The following CAPN15 variants were observed in gnomAD, a reference collection of about 807,000 sequenced individuals.
The protein encoded by CAPN15 is calpain 15, also known as calpain-15.
Under a neutral mutation model 97.9 loss-of-function variants are expected in CAPN15, and 53 were observed. The ratio of observed to expected loss-of-function variants is 0.54; its 90% CI spans 0.43 to 0.68. The LOEUF (loss-of-function observed/expected upper bound fraction) is 0.68, where lower values mean the gene tolerates loss of function less well. Among genes scored for constraint, CAPN15 ranks in the 30% least tolerant of loss-of-function variants. The pLI is 0.00. For synonymous variants in CAPN15, 922 were observed against 722.5 expected (o/e 1.28, Z -4.43); for missense variants, 1,592 against 1,589.8 (o/e 1.00, Z -0.02).
rs1365437285 is a variant in CAPN15, at chr16:552,769, G to A, written c.2902G>A (p.Glu968Lys). Residue 968 changes from glutamate to lysine, a missense_variant and splice_region_variant, in exon 12 of 14, where the codon GAG becomes AAG. Around this residue, in one of 3 missense-constraint regions of CAPN15, gnomAD observed 644 missense variants for 699.6 expected, o/e 0.92. Coordinates refer to ENST00000219611, the MANE Select transcript of CAPN15 (RefSeq NM_005632.3). This position sits in a 1 kb window ranked among gnomAD's most constrained non-coding sequence, Gnocchi z 6.4. ...CACCGAGAGCCGCGGAGAGCGGCAC[G>A]AGGTGGGTGGGGGTCCCGGGGGAGG... ...LLTESRGERH[E>K]GREGMTCYYL... The A allele has an allele frequency of 5.3e-5, 81 of 1,529,774 alleles. No individual in the cohort carries two copies. The highest frequency in any genetic ancestry group is 2.3e-4 in the Middle Eastern group (1 of 4,430). The allele number at this position is 1,529,774 out of a possible 1,614,324, so 94.8% of individuals were successfully genotyped here. A position where few individuals can be genotyped will look rare whatever the true frequency, so the allele number is the denominator to read the frequency against.
chr16:554,280 A>G lies in CAPN15; in HGVS notation c.*764A>G, dbSNP rs2035298096. ...ACCCCAGCACATCGTGGGCACGGGC[A>G]GGGCTCAGCCGCTCCCACCTCCCCA... is the stretch of plus-strand genomic sequence containing the variant. On this transcript the variant is annotated 3_prime_UTR_variant, in exon 14 of 14. Coordinates refer to ENST00000219611, the MANE Select transcript of CAPN15 (RefSeq NM_005632.3). 1 of 343,746 alleles carries G rather than the reference A, an allele frequency of 2.9e-6. No individual in the cohort carries two copies. Among genetic ancestry groups the G allele is most frequent in the Admixed American group, 3.8e-5 (1 of 26,122 alleles). 21.3% of individuals were successfully genotyped at this position (343,746 alleles called of 1,614,324 possible). A position where few individuals can be genotyped will look rare whatever the true frequency, so the allele number is the denominator to read the frequency against.
In CAPN15 at chr16:549,019, C is replaced by T. The variant is rs772228015; in HGVS notation, c.1476C>T (p.Ser492=). 4 of 1,612,754 alleles carry T rather than the reference C, an allele frequency of 2.5e-6. No individual in the cohort carries two copies. In the South Asian group the frequency reaches 3.3e-5, roughly 13 times the overall value. Residue 492 remains serine, a synonymous_variant, in exon 5 of 14, where the codon AGC becomes AGT. Coordinates refer to ENST00000219611, the MANE Select transcript of CAPN15 (RefSeq NM_005632.3). ...RENNVSFVDD[S]FPPGPESVGF... Reference sequence around the variant, plus strand: ...ACAATGTGAGCTTCGTGGATGACAGCTTCCCTCCCGGGCCCGAGTCTGTCG... The same window carrying T: ...ACAATGTGAGCTTCGTGGATGACAGTTTCCCTCCCGGGCCCGAGTCTGTCG...
Position 549,030 on chromosome 16 carries a change from G to A in CAPN15, c.1487G>A (p.Gly496Glu). ...VSFVDDSFPP[G>E]PESVGFPAGD... ...TTCGTGGATGACAGCTTCCCTCCCG[G>A]GCCCGAGTCTGTCGGCTTCCCCGCG... The change falls in exon 5 of 14, where the codon GGG becomes GAG. Residue 496 changes from glycine (G) to glutamate (E), a missense_variant. This residue lies in a region of CAPN15 where 883 missense variants were observed against 776.6 expected (regional missense o/e 1.14). Coordinates refer to ENST00000219611, the MANE Select transcript of CAPN15 (RefSeq NM_005632.3). 6.2e-7 allele frequency: 1 copy of A among 1,612,758 alleles called. No individual in the cohort carries two copies. The highest frequency in any genetic ancestry group is 8.5e-7 in the Non-Finnish European group (1 of 1,179,938).
intron 5 of CAPN15, 28 bp from the exon 6 acceptor site, chr16:549,260 C>T (rs775492684): frequency 2.5e-5 from 39 of 1,560,060 alleles, no homozygotes; most frequent in Non-Finnish European, 2.8e-5. Flanking sequence ...CCGCGGTCCC[C>T]GCGAGGTCAC....
At chr16:551,277 C>A in intron 7 of CAPN15, 25 bp from the exon 8 acceptor site, 2 of 1,556,244 alleles carry the variant, frequency 1.3e-6, no homozygotes, top group Non-Finnish European at 8.7e-7. Flanking sequence ...GGGTCCCGGT[C>A]GGTGAGGGCC....
At chr16:548,311 C>G (rs1567152992) in intron 4 of CAPN15, 24 bp downstream of exon 4, 2 of 1,449,718 alleles carry the variant, frequency 1.4e-6, no homozygotes, top group Admixed American at 2.8e-5. Flanking sequence ...TCGCCCTCTT[C>G]CTGCTCCTGA....
At position 533,995 on chromosome 16, in the gene CAPN15, T is replaced by A; in HGVS notation, c.-140T>A. The stretch of plus-strand genomic sequence containing the variant: ...GAGGGCCTGGGAGCTTGCTGCAGCT[T>A]CAGGTGAGTTTGTTCCCAAGCCCTG... On this transcript the variant is annotated 5_prime_UTR_variant, in exon 2 of 14. Coordinates refer to ENST00000219611, the MANE Select transcript of CAPN15 (RefSeq NM_005632.3). 2.0e-6 allele frequency: 2 copies of A among 985,330 alleles called. No individual in the cohort carries two copies. The highest frequency in any genetic ancestry group is 4.7e-5 in the South Asian group (1 of 21,282). 61.0% of individuals were successfully genotyped at this position (985,330 alleles called of 1,614,324 possible). A position where few individuals can be genotyped will look rare whatever the true frequency, so the allele number is the denominator to read the frequency against.
In CAPN15 at chr16:549,629, G is replaced by C; in HGVS notation, c.1857G>C (p.Gln619His). The stretch of plus-strand genomic sequence containing the variant: ...GCCCTCTGCAGGCGCAGCGGAAGCA[G>C]CTGTGGGTGGCCCTCATCGAGAAGG... ...CLLFSQAQRKQLWVALIEKAL... is the reference protein window; with the variant it reads ...CLLFSQAQRKHLWVALIEKAL... The change falls in exon 7 of 14, where the codon CAG becomes CAC. Residue 619 changes from glutamine to histidine, a missense_variant. Gln to His is a conservative substitution (Grantham distance 24, BLOSUM62 0). Coordinates refer to ENST00000219611, the MANE Select transcript of CAPN15 (RefSeq NM_005632.3). 4.5e-6 allele frequency: 7 copies of C among 1,549,402 alleles called. No individual in the cohort carries two copies. The highest frequency in any genetic ancestry group is 6.1e-6 in the Non-Finnish European group (7 of 1,152,594).
At chr16:534,079 G>A in intron 2 of CAPN15, 81 bp downstream of exon 2, 1 of 683,490 alleles carries the variant, frequency 1.5e-6, no homozygotes, top group Non-Finnish European at 1.7e-6. Context: ...CAGGGTTGGA[G>A]TGCCCACGGC....
intron 3 of CAPN15, chr16:540,305 G>T (rs911187609): frequency 6.1e-6 from 6 of 985,432 alleles, no homozygotes; most frequent in Non-Finnish European, 6.0e-6. Context: ...AGCGGCCCAG[G>T]GGGGCCCGTC....
intron 7 of CAPN15, among the ~76,000 whole-genome samples, chr16:550,278 C>T (rs1019673581): frequency 6.6e-6 from 1 of 152,228 alleles, no homozygotes; most frequent in South Asian, 2.1e-4. Flanking sequence ...TCCCGGAGCC[C>T]TCCTCTCAGC....
At chr16:546,644 C>T (rs2142032553) in intron 3 of CAPN15, among the ~76,000 whole-genome samples, 173 bp from the exon 4 acceptor site, 1 of 152,308 alleles carries the variant, frequency 6.6e-6, no homozygotes, top group Non-Finnish European at 1.5e-5. Flanking sequence ...AGCCATGGAT[C>T]CATTCTGGGT....
chr16:538,681 T>TG (rs2033895129), intron 3 of CAPN15: 1 of 152,116 alleles, frequency 6.6e-6, no homozygotes, highest in African/African-American at 2.4e-5. Context: ...CCCAAGGCTG[T>TG]GGGGAGGAAC....
chr16:539,477 G>C (rs1186103526), intron 3 of CAPN15: 1 of 152,280 alleles, frequency 6.6e-6, no homozygotes, highest in Non-Finnish European at 1.5e-5. Context: ...GGTGGGCCGC[G>C]TGTCAGAGGC....
At chr16:545,056 C>T (rs1262821594) in intron 3 of CAPN15, among the ~76,000 whole-genome samples, 3 of 151,786 alleles carry the variant, frequency 2.0e-5, no homozygotes, top group African/African-American at 7.3e-5. Context: ...GGCTTTGGGT[C>T]TTTGGGCTCC....
Position 551,326 on chromosome 16 carries a change from C to A in CAPN15, c.2091C>A (p.Gly697=). Residue 697 remains glycine (G), a synonymous_variant, in exon 8 of 14, where the codon GGC becomes GGA. Coordinates refer to ENST00000219611, the MANE Select transcript of CAPN15 (RefSeq NM_005632.3). ...EAGFLMGASC[G]GGNMKVDDSA... ...GGTTCCTCATGGGTGCCTCCTGTGG[C>A]GGGGGCAACATGAAGGTGGACGATT... 1 of 1,604,508 alleles carries A rather than the reference C, an allele frequency of 6.2e-7. No individual in the cohort carries two copies. The highest frequency in any genetic ancestry group is 8.5e-7 in the Non-Finnish European group (1 of 1,175,484).
Position 552,447 on chromosome 16 carries a change from T to C in CAPN15, c.2654T>C (p.Met885Thr), listed in dbSNP as rs1465267122. 1 of 1,610,144 alleles carries C rather than the reference T, an allele frequency of 6.2e-7. No individual in the cohort carries two copies. Among genetic ancestry groups the C allele is most frequent in the Non-Finnish European group, 8.5e-7 (1 of 1,179,656 alleles). ...AVKKFVSCDVMLEPGEYAVVC... is the reference protein window; with the variant it reads ...AVKKFVSCDVTLEPGEYAVVC... ...AAGAAGTTCGTCAGCTGCGACGTCA[T>C]GCTGGAGCCTGGCGAGTACGCTGTG... The change falls in exon 11 of 14, where the codon ATG becomes ACG. Residue 885 changes from methionine (M) to threonine (T), a missense_variant. By Grantham distance (81) the Met-to-Thr change is moderately conservative (BLOSUM62 -1). This residue lies in a region of CAPN15 where 644 missense variants were observed against 699.6 expected (regional missense o/e 0.92). Transcript: ENST00000219611. This position sits in a 1 kb window ranked among gnomAD's most constrained non-coding sequence, Gnocchi z 6.4.
chr16:551,763 G>A, intron 9 of CAPN15, 99 bp downstream of exon 9: 2 of 1,496,986 alleles, frequency 1.3e-6, no homozygotes, highest in Admixed American at 3.7e-5. Flanking sequence ...ACCTGGGGTG[G>A]GGCGGCTTGT....
In CAPN15 at chr16:546,373, G is replaced by A. The variant is rs150198985; in HGVS notation, c.-22-444G>A. 2.9e-3 allele frequency among the ~76,000 whole-genome samples: 444 copies of A among 152,344 alleles called. 6 individuals carry two copies. The highest frequency in any genetic ancestry group is 3.4e-3 in the Middle Eastern group (1 of 294). ...GTGCTGTGGTGTGGGGAGGCCCCTT[G>A]CTCAGATCAGCCTGTGCCTTCCCCA... On this transcript the variant is annotated intron_variant, in intron 3 of 13. Coordinates refer to ENST00000219611, the MANE Select transcript of CAPN15 (RefSeq NM_005632.3).
Sources: gnomAD v4.1 joint callset for allele counts (sites outside exome capture counted in the v4.1 genomes callset) on GRCh38, gnomAD v4.1.1 for gene constraint, gnomAD v4.1.1 regional missense constraint, Gnocchi (gnomAD v3.1) non-coding constraint, MANE v1.5 for transcripts, NCBI Gene and HGNC (gene_info 2026-07-23, HGNC 2026-07-21) for gene names.